CSMD3: variants seen among roughly 807,000 people sequenced by gnomAD.
CSMD3 encodes the protein CUB and sushi domain-containing protein 3.
In CSMD3, 177 loss-of-function variants were observed where a neutral mutation model predicts 435.2. The observed-to-expected ratio is 0.41, with a 90% CI of 0.36 to 0.46. CSMD3 has a LOEUF of 0.46. Ranked by LOEUF, CSMD3 falls within the 20% of genes least tolerant of loss-of-function variation. The pLI, the probability that CSMD3 is intolerant of heterozygous loss-of-function variation, is 0.34. For missense variants in CSMD3, 4,265 were observed against 4,504.6 expected (o/e 0.95, Z 1.52); for synonymous variants, 1,656 against 1,520.5 (o/e 1.09, Z -2.07).
intron 32 of CSMD3, among the ~76,000 whole-genome samples, chr8:112,438,173 G>A (rs970920202): frequency 6.6e-6 from 1 of 152,048 alleles, no homozygotes; most frequent in South Asian, 2.1e-4. Context: ...TCAGTGACAG[G>A]AAACAAACAA....
At chr8:112,524,956 C>A (rs1824712002) in intron 27 of CSMD3, among the ~76,000 whole-genome samples, 1 of 151,542 alleles carries the variant, frequency 6.6e-6, no homozygotes, top group African/African-American at 2.4e-5. Context: ...TGTGTTTTTT[C>A]AATATATTCT....
At chr8:112,922,525 C>G (rs1022806244) in intron 9 of CSMD3, among the ~76,000 whole-genome samples, 2 of 151,882 alleles carry the variant, frequency 1.3e-5, no homozygotes, top group Non-Finnish European at 2.9e-5. Context: ...GCCCCCACAT[C>G]CCCCACTAAC....
chr8:112,477,368 T>C (rs1285522468), intron 31 of CSMD3, among the ~76,000 whole-genome samples: 1 of 152,188 alleles, frequency 6.6e-6, no homozygotes, highest in Non-Finnish European at 1.5e-5. Context: ...ATTGAGGGAA[T>C]AGCAAACCCA....
chr8:113,212,099 G>C (rs1183551154), intron 3 of CSMD3, among the ~76,000 whole-genome samples: 1 of 152,044 alleles, frequency 6.6e-6, no homozygotes, highest in African/African-American at 2.4e-5. Context: ...GATCAAAAGA[G>C]ACCCAATATT....
intron 13 of CSMD3, among the ~76,000 whole-genome samples, chr8:112,783,498 G>C (rs1197670267): frequency 4.3e-5 from 5 of 116,810 alleles, no homozygotes; most frequent in Admixed American, 4.2e-4. Context: ...AAGGGAGGGA[G>C]GGAGGGAGGA....
At chr8:113,299,364 T>A (rs1018323500) in intron 2 of CSMD3, among the ~76,000 whole-genome samples, 1 of 152,198 alleles carries the variant, frequency 6.6e-6, no homozygotes, top group African/African-American at 2.4e-5. Context: ...TGTGTTATAT[T>A]GCTATAATAA....
chr8:112,888,838 C>T (rs2081691082), intron 10 of CSMD3, among the ~76,000 whole-genome samples: 1 of 151,498 alleles, frequency 6.6e-6, no homozygotes. Flanking sequence ...TCTACAGAGG[C>T]ATGATGAGGT....
At position 113,183,722 on chromosome 8, in the gene CSMD3, T is replaced by C. The variant is rs80350293; in HGVS notation, c.515-9806A>G. Among the ~76,000 whole-genome samples, 1,257 of 152,128 alleles carry C rather than the reference T, an allele frequency of 8.3e-3. 16 individuals carry two copies. Among genetic ancestry groups the C allele is most frequent in the African/African-American group, 0.028 (1,177 of 41,534 alleles). On this transcript the variant is annotated intron_variant, in intron 3 of 70. Transcript: ENST00000297405. ...CTCTGTTTTATATATAATGTCTTAC[T>C]TGTTTACATTTTGGGGGTACATGTG... is the stretch of plus-strand genomic sequence containing the variant.
At chr8:112,934,615 C>A (rs774153476) in intron 9 of CSMD3, among the ~76,000 whole-genome samples, 2 of 152,022 alleles carry the variant, frequency 1.3e-5, no homozygotes, top group Non-Finnish European at 2.9e-5. Context: ...AATCTGAGTC[C>A]AAGGTTTGAG....
intron 32 of CSMD3, among the ~76,000 whole-genome samples, chr8:112,448,759 A>T (rs1815923299): frequency 1.9e-5 from 1 of 51,758 alleles, no homozygotes; most frequent in African/African-American, 4.4e-5. Flanking sequence ...ATCTATTAAA[A>T]AAAAAAAAAA....
At chr8:113,336,285 C>A (rs1363407105) in intron 1 of CSMD3, among the ~76,000 whole-genome samples, 3 of 150,134 alleles carry the variant, frequency 2.0e-5, no homozygotes, top group African/African-American at 7.4e-5. Context: ...CTATTCTTTG[C>A]TGAAACTTTT....
At chr8:112,739,393 A>C (rs989369577) in intron 13 of CSMD3, among the ~76,000 whole-genome samples, 3 of 151,748 alleles carry the variant, frequency 2.0e-5, no homozygotes, top group Non-Finnish European at 3.0e-5. Context: ...CCTCCTTATT[A>C]AGGCCATAAA....
intron 1 of CSMD3, among the ~76,000 whole-genome samples, chr8:113,405,107 A>C (rs2129683584): frequency 6.6e-6 from 1 of 151,676 alleles, no homozygotes; most frequent in East Asian, 1.9e-4. Flanking sequence ...AAAGCTATGA[A>C]GGAGGCTTTC....
intron 70 of CSMD3, among the ~76,000 whole-genome samples, chr8:112,226,490 T>C (rs951929612): frequency 3.9e-5 from 6 of 152,060 alleles, no homozygotes; most frequent in Non-Finnish European, 8.8e-5. Context: ...GAAAAACACA[T>C]GGCCTTGAAT....
At chr8:112,753,363 T>A (rs1186598812) in intron 13 of CSMD3, among the ~76,000 whole-genome samples, 1 of 152,228 alleles carries the variant, frequency 6.6e-6, no homozygotes, top group African/African-American at 2.4e-5. Flanking sequence ...ATAATTCATT[T>A]TTTATAAAGG....
At chr8:113,103,455 A>T (rs2090386883) in intron 4 of CSMD3, among the ~76,000 whole-genome samples, 1 of 152,158 alleles carries the variant, frequency 6.6e-6, no homozygotes, top group Non-Finnish European at 1.5e-5. Context: ...CTGTTGTAAA[A>T]CATGAAGAAA....
chr8:113,078,251 G>A (rs1234128505), intron 5 of CSMD3, among the ~76,000 whole-genome samples: 1 of 152,146 alleles, frequency 6.6e-6, no homozygotes, highest in Non-Finnish European at 1.5e-5. Flanking sequence ...TGGTTCTGGG[G>A]AATAGGAGAT....
chr8:113,120,934 G>T (rs183663137), intron 4 of CSMD3, among the ~76,000 whole-genome samples: 32 of 152,132 alleles, frequency 2.1e-4, no homozygotes, highest in African/African-American at 7.7e-4. Flanking sequence ...ACATTTACAC[G>T]CAGGGCCTCA....
intron 24 of CSMD3, among the ~76,000 whole-genome samples, chr8:112,566,041 T>A (rs1186605914): frequency 2.4e-5 from 2 of 82,202 alleles, no homozygotes; most frequent in Non-Finnish European, 5.5e-5. Context: ...TCTCTCTCTC[T>A]TTTTTTTTTT....
Sources: gnomAD v4.1 joint callset for allele counts (sites outside exome capture counted in the v4.1 genomes callset) on GRCh38, gnomAD v4.1.1 for gene constraint, MANE v1.5 for transcripts, NCBI Gene and HGNC (gene_info 2026-07-23, HGNC 2026-07-21) for gene names.